DAB1: variants seen among roughly 807,000 people sequenced by gnomAD.
The protein encoded by DAB1 is DAB adaptor protein 1, also known as disabled homolog 1.
Under a neutral mutation model 64.6 loss-of-function variants are expected in DAB1, and 15 were observed. The ratio of observed to expected loss-of-function variants is 0.23; its 90% confidence interval spans 0.16 to 0.36. The LOEUF is 0.36. Among genes scored for constraint, DAB1 ranks in the 10% least tolerant of loss-of-function variants. DAB1 has a pLI of 1.00. For missense variants in DAB1, 596 were observed against 706.7 expected (o/e 0.84, Z 1.78); for synonymous variants, 235 against 251.9 (o/e 0.93, Z 0.64).
At chr1:57,971,445 G>A (rs1006885533) in intron 5 of DAB1, among the ~76,000 whole-genome samples, 11 of 152,170 alleles carry the variant, frequency 7.2e-5, no homozygotes, top group Admixed American at 5.2e-4. Context: ...AAAATTATAA[G>A]GTACATGGTG....
upstream of DAB1, among the ~76,000 whole-genome samples, chr1:57,887,734 G>A (rs564912799): frequency 1.3e-5 from 2 of 152,274 alleles, no homozygotes; most frequent in African/African-American, 2.4e-5. Flanking sequence ...TAACTCATAA[G>A]GAGAGGGGCA....
intron 2 of DAB1, among the ~76,000 whole-genome samples, chr1:57,183,857 G>T (rs1663243109): frequency 6.6e-6 from 1 of 152,064 alleles, no homozygotes; most frequent in African/African-American, 2.4e-5. Flanking sequence ...CTAAGGGCTG[G>T]GTGAATGAAG....
At chr1:58,414,834 CATGAT>C (rs1413754554) in intron 3 of DAB1, among the ~76,000 whole-genome samples, 25 of 151,592 alleles carry the variant, frequency 1.6e-4, no homozygotes, top group Admixed American at 1.6e-3. Flanking sequence ...CTTGCTATTC[CATGAT>C]ATGGTAAAAT....
intron 9 of DAB1, among the ~76,000 whole-genome samples, chr1:57,054,944 A>G (rs1649600556): frequency 6.6e-6 from 1 of 152,200 alleles, no homozygotes; most frequent in African/African-American, 2.4e-5. Context: ...TAGAGGAAGT[A>G]TGGACTCAGC....
At chr1:58,261,758 TG>T (rs1257923025) in intron 4 of DAB1, among the ~76,000 whole-genome samples, 2 of 152,168 alleles carry the variant, frequency 1.3e-5, no homozygotes, top group South Asian at 4.1e-4. Context: ...GGTCTCCCAA[TG>T]TTGCCCAGGC....
chr1:57,569,679 T>G (rs1645170283), intron 7 of DAB1, among the ~76,000 whole-genome samples: 1 of 152,008 alleles, frequency 6.6e-6, no homozygotes, highest in Non-Finnish European at 1.5e-5. Context: ...CACACCAACA[T>G]GGCACATGTA....
At chr1:58,457,539 G>A (rs535341763) in intron 3 of DAB1, among the ~76,000 whole-genome samples, 15 of 152,308 alleles carry the variant, frequency 9.8e-5, no homozygotes, top group South Asian at 8.3e-4. Context: ...TAACCCCGAG[G>A]CAGAGCAATA....
At chr1:58,095,950 G>A (rs1650952107) in intron 5 of DAB1, among the ~76,000 whole-genome samples, 1 of 152,140 alleles carries the variant, frequency 6.6e-6, no homozygotes, top group Admixed American at 6.6e-5. Flanking sequence ...AAAAGGAGGA[G>A]GCAAAGTGAG....
At chr1:57,504,977 A>G (rs1644328477) in intron 7 of DAB1, among the ~76,000 whole-genome samples, 1 of 152,244 alleles carries the variant, frequency 6.6e-6, no homozygotes, top group South Asian at 2.1e-4. Context: ...GAGGAACTTA[A>G]GAAGACATGA....
intron 1 of DAB1, chr1:57,306,712 T>C (rs886238959): frequency 6.6e-6 from 1 of 152,088 alleles, no homozygotes; most frequent in Non-Finnish European, 1.5e-5. Flanking sequence ...AAAAGAAATA[T>C]TATAGTCATT....
intron 5 of DAB1, among the ~76,000 whole-genome samples, chr1:58,015,726 G>T (rs989736818): frequency 2.0e-5 from 3 of 152,132 alleles, no homozygotes; most frequent in African/African-American, 7.2e-5. Context: ...ACCTATTGAA[G>T]ATTTTATTTT....
chr1:57,057,858 TTGG>T (rs1246332317), intron 9 of DAB1, among the ~76,000 whole-genome samples: 4 of 152,110 alleles, frequency 2.6e-5, no homozygotes, highest in African/African-American at 9.7e-5. Flanking sequence ...TCCGCCCGCC[TTGG>T]CCTCCCAAAG....
At chr1:58,298,372 C>T (rs1205678241) in intron 4 of DAB1, among the ~76,000 whole-genome samples, 1 of 152,182 alleles carries the variant, frequency 6.6e-6, no homozygotes, top group East Asian at 1.9e-4. Context: ...CACCTTTGCT[C>T]ATTTATCTCA....
intron 6 of DAB1, among the ~76,000 whole-genome samples, chr1:57,769,764 G>C (rs1344182575): frequency 6.6e-6 from 1 of 152,154 alleles, no homozygotes; most frequent in African/African-American, 2.4e-5. Flanking sequence ...AAACTGCTAA[G>C]AGTTCCCGTT....
chr1:58,295,698 C>T (rs1025280183), intron 4 of DAB1, among the ~76,000 whole-genome samples: 1 of 152,026 alleles, frequency 6.6e-6, no homozygotes, highest in African/African-American at 2.4e-5. Context: ...CATGCCTGGC[C>T]TCTGGTGGAG....
At chr1:57,850,349 G>T (rs1273375791) in intron 1 of DAB1, among the ~76,000 whole-genome samples, 2 of 152,042 alleles carry the variant, frequency 1.3e-5, no homozygotes, top group Non-Finnish European at 2.9e-5. Flanking sequence ...GACCAGTAAA[G>T]AAAGCGAGGC....
chr1:57,306,637 G>A (rs1302066016), intron 1 of DAB1, among the ~76,000 whole-genome samples: 1 of 150,764 alleles, frequency 6.6e-6, no homozygotes, highest in Non-Finnish European at 1.5e-5. Flanking sequence ...TCGGAAAACA[G>A]TTTAGATTCA....
intron 4 of DAB1, among the ~76,000 whole-genome samples, chr1:58,290,162 G>A (rs556322638): frequency 6.6e-6 from 1 of 152,200 alleles, no homozygotes; most frequent in Non-Finnish European, 1.5e-5. Context: ...AGATATTCAT[G>A]ATCATGTACT....
At position 57,619,923 on chromosome 1, in the gene DAB1, G is replaced by A. The variant is rs370475464; in HGVS notation, n.625+29669C>T. 1.6e-4 allele frequency among the ~76,000 whole-genome samples: 25 copies of A among 152,234 alleles called. No individual in the cohort carries two copies. The South Asian group carries it at 1.9e-3, about 11-fold the overall frequency. ...AGCAGGCATGAATACCACCTGAGAC[G>A]CAGAACAGGACAGCAAGGCTGCTAG... is the stretch of plus-strand genomic sequence containing the variant. On this transcript the variant is annotated intron_variant and non_coding_transcript_variant, in intron 7 of 20. Transcript: ENST00000485760.
Sources: allele counts gnomAD v4.1 joint callset (sites outside exome capture counted in the v4.1 genomes callset), GRCh38; gene constraint gnomAD v4.1.1; transcripts MANE v1.5; gene names NCBI Gene and HGNC (gene_info 2026-07-23, HGNC 2026-07-21).